AIFM1: variants seen among roughly 807,000 people sequenced by gnomAD.
The protein encoded by AIFM1 is apoptosis-inducing factor 1, mitochondrial.
In AIFM1, 3 loss-of-function variants were observed where a neutral mutation model predicts 51.7. The observed-to-expected ratio is 0.06, with a 90% CI of 0.03 to 0.15. The LOEUF (loss-of-function observed/expected upper bound fraction) is 0.15, where lower values mean the gene tolerates loss of function less well. Ranked by LOEUF, AIFM1 falls within the 10% of genes least tolerant of loss-of-function variation. The pLI is 1.00. For synonymous variants in AIFM1, 178 were observed against 179.4 expected (o/e 0.99, Z 0.06); for missense variants, 330 against 476.8 (o/e 0.69, Z 2.87).
chrX:130,158,363 G>A (rs934168733), intron 1 of AIFM1, among the ~76,000 whole-genome samples: 10 of 112,354 alleles, frequency 8.9e-5, no homozygotes, highest in African/African-American at 2.6e-4. Flanking sequence ...GCTTTGGCCT[G>A]TGGCTGTAGT....
intron 13 of AIFM1, among the ~76,000 whole-genome samples, chrX:130,133,102 G>A (rs1339768385): frequency 9.0e-6 from 1 of 111,603 alleles, no homozygotes; most frequent in Non-Finnish European, 1.9e-5. Context: ...CTCTTTTAAT[G>A]TTTTACAAAA....
intron 1 of AIFM1, among the ~76,000 whole-genome samples, chrX:130,160,557 T>C (rs1428444587): frequency 1.8e-5 from 2 of 112,073 alleles, no homozygotes; most frequent in South Asian, 3.6e-4. Flanking sequence ...CCTAATTCTA[T>C]TGATATTGAC....
At position 130,138,644 on chromosome X, in the gene AIFM1, T is replaced by C; in HGVS notation, c.916A>G (p.Ile306Val). ...ISREVKSITI[I>V]GGGFLGSELA... ...TCGCTACCAAGGAAGCCCCCACCGA[T>C]AATCGTAATTGATTTGACTTCCCGT... Residue 306 changes from isoleucine to valine, a missense_variant, in exon 9 of 16, where the codon ATC (isoleucine) becomes GTC (valine). Ile to Val is a conservative substitution (Grantham distance 29). Around this residue, in one of 4 missense-constraint regions of AIFM1, gnomAD observed 152 missense variants for 292.8 expected, o/e 0.52. Transcript: ENST00000287295. 1 of 1,210,880 alleles carries C rather than the reference T, an allele frequency of 8.3e-7. No individual in the cohort carries two copies. Among genetic ancestry groups the C allele is most frequent in the Non-Finnish European group, 1.1e-6 (1 of 895,045 alleles).
chrX:130,158,423 C>A (rs1174639137), intron 1 of AIFM1, among the ~76,000 whole-genome samples: 1 of 111,436 alleles, frequency 9.0e-6, no homozygotes, highest in Non-Finnish European at 1.9e-5. Context: ...GAGTGTATCC[C>A]AATGCCCTGA....
At chrX:130,129,822 T>C in intron 15 of AIFM1, 148 bp downstream of exon 15, 1 of 834,641 alleles carries the variant, frequency 1.2e-6, no homozygotes, top group Middle Eastern at 3.9e-4. Flanking sequence ...AAAAAGAATG[T>C]TCCTGAGCCA....
Position 130,149,478 on chromosome X carries a change from C to T in AIFM1, c.340G>A (p.Ala114Thr), listed in dbSNP as rs772308346. The T allele has an allele frequency of 6.4e-5, 77 of 1,204,675 alleles. No homozygotes were observed. Among genetic ancestry groups the T allele is most frequent in the Admixed American group, 1.3e-4 (6 of 45,686 alleles). The change falls in exon 3 of 16, where the codon GCG (alanine) becomes ACG (threonine). Residue 114 changes from alanine (A) to threonine (T), a missense_variant. By Grantham distance (58) the Ala-to-Thr change is moderately conservative. Around this residue, in one of 4 missense-constraint regions of AIFM1, gnomAD observed 110 missense variants for 103.1 expected, o/e 1.07. Transcript: ENST00000287295. ...LTPEQKQKKAALSASEGEEVP... is the reference protein window; with the variant it reads ...LTPEQKQKKATLSASEGEEVP... ...TTAAGGGAATACTCACCAGATAACGCGGCCTTTTTCTGTTTCTGTTCTGGT... is the reference window on the plus strand; with the variant it reads ...TTAAGGGAATACTCACCAGATAACGTGGCCTTTTTCTGTTTCTGTTCTGGT...
At chrX:130,149,406 A>G in intron 3 of AIFM1, 63 bp downstream of exon 3, 1 of 973,018 alleles carries the variant, frequency 1.0e-6, no homozygotes, top group Non-Finnish European at 1.5e-6. Flanking sequence ...CACAGCACCC[A>G]AACTGTTTAT....
rs770910998 is a variant in AIFM1 at position 130,157,953 on chromosome X, CA to C, written c.107-1351del. Among the ~76,000 whole-genome samples, 177 of 46,120 alleles carry C rather than the reference CA, an allele frequency of 3.8e-3. 2 individuals carry two copies. The South Asian group carries it at 0.049, about 13-fold the overall frequency. 40.0% of individuals were successfully genotyped at this position (46,120 alleles called of 115,157 possible). On this transcript the variant is annotated intron_variant, in intron 1 of 15. Coordinates refer to ENST00000287295, the MANE Select transcript of AIFM1 (RefSeq NM_004208.4). The stretch of plus-strand genomic sequence containing the variant: ...CTGGCAACAGAGTGAGACTCCGTCT[CA>C]AAAAAAAAAAAAAAGAAAAGAAAAA...
chrX:130,138,836 A>G (rs1171260212), intron 8 of AIFM1, 135 bp from the exon 9 acceptor site: 2 of 483,924 alleles, frequency 4.1e-6, no homozygotes, highest in Non-Finnish European at 7.3e-6. Flanking sequence ...TATAACTTCT[A>G]TGTTATTAAT....
At chrX:130,156,376 G>A (rs2031162572) in intron 2 of AIFM1, 85 bp downstream of exon 2, 5 of 1,161,825 alleles carry the variant, frequency 4.3e-6, no homozygotes, top group Non-Finnish European at 5.9e-6. Flanking sequence ...GGAATTAGTT[G>A]CAAAAGTTTT....
chrX:130,150,805 T>C (rs1204760933), intron 2 of AIFM1, among the ~76,000 whole-genome samples: 1 of 102,637 alleles, frequency 9.7e-6, no homozygotes, highest in African/African-American at 3.5e-5. Context: ...TGAAACCCCA[T>C]CTCTACTAAA....
In AIFM1 at chrX:130,145,583, A is replaced by G. The variant is rs187719053; in HGVS notation, c.606-14T>C. On this transcript the variant is annotated splice_polypyrimidine_tract_variant and intron_variant, in intron 5 of 15. Transcript: ENST00000287295. ...TGGAAATATATGCTGTATGGAGAAG[A>G]GAGGGAGAATATTATAAGCATGTGG... 5 of 1,126,127 alleles carry G rather than the reference A, an allele frequency of 4.4e-6. No homozygotes were observed. In the Admixed American group the frequency reaches 6.6e-5, roughly 15 times the overall value. 92.8% of individuals were successfully genotyped at this position (1,126,127 alleles called of 1,213,427 possible).
intron 15 of AIFM1, 121 bp downstream of exon 15, chrX:130,129,849 C>T: frequency 6.4e-6 from 6 of 932,020 alleles, no homozygotes; most frequent in Non-Finnish European, 9.3e-6. Context: ...TACCTTTGTT[C>T]TGCTCAGGCA....
intron 10 of AIFM1, 109 bp downstream of exon 10, chrX:130,136,969 C>T: frequency 2.5e-6 from 3 of 1,191,269 alleles, no homozygotes; most frequent in Non-Finnish European, 3.4e-6. Context: ...AAACATTTTA[C>T]AGGCCAGGTG....
At chrX:130,129,787 AG>A (rs2029984324) in intron 15 of AIFM1, among the ~76,000 whole-genome samples, 159 bp from the exon 16 acceptor site, 1 of 111,791 alleles carries the variant, frequency 8.9e-6, no homozygotes, top group East Asian at 2.8e-4. Flanking sequence ...GCCAACTCCC[AG>A]GTCACCCAGC....
chrX:130,137,333 G>A, intron 9 of AIFM1, 148 bp from the exon 10 acceptor site: 8 of 1,166,856 alleles, frequency 6.9e-6, no homozygotes, highest in Non-Finnish European at 9.2e-6. Context: ...AGGACAGTGG[G>A]CATGAGGGCC....
intron 1 of AIFM1, among the ~76,000 whole-genome samples, chrX:130,160,883 AAAATAAAT>A (rs754564979): frequency 4.2e-4 from 45 of 107,070 alleles, no homozygotes; most frequent in East Asian, 8.6e-4. Context: ...TCTCTACTTA[AAAATAAAT>A]AAATAAATAA....
chrX:130,146,881 G>A (rs1335935876), intron 5 of AIFM1, among the ~76,000 whole-genome samples: 2 of 112,390 alleles, frequency 1.8e-5, no homozygotes, highest in African/African-American at 6.5e-5. Flanking sequence ...AGAAGTGATG[G>A]CTGGGGGCAG....
intron 3 of AIFM1, among the ~76,000 whole-genome samples, chrX:130,148,695 T>C (rs1442090728): frequency 9.3e-6 from 1 of 107,506 alleles, no homozygotes; most frequent in Non-Finnish European, 1.9e-5. Flanking sequence ...TAGCCAGGCA[T>C]GGTGGCACAC....
Sources: allele counts gnomAD v4.1 joint callset (sites outside exome capture counted in the v4.1 genomes callset), GRCh38; gene constraint gnomAD v4.1.1; regional missense constraint gnomAD v4.1.1; transcripts MANE v1.5; gene names NCBI Gene and HGNC (gene_info 2026-07-23, HGNC 2026-07-21).